Variants in ZNF229 observed in about 807,000 individuals in gnomAD.
ZNF229 encodes the protein zinc finger protein 229.
In ZNF229, 10 loss-of-function variants were observed where a neutral mutation model predicts 11.8. The ratio of observed to expected loss-of-function variants is 0.85; its 90% CI spans 0.52 to 1.44. ZNF229 has a LOEUF of 1.44. Among genes scored for constraint, ZNF229 ranks in the 40% most tolerant of loss-of-function variants. The pLI is 0.00. For missense variants in ZNF229, 1,045 were observed against 1,015.1 expected (o/e 1.03, Z -0.40); for synonymous variants, 368 against 374.8 (o/e 0.98, Z 0.21).
At chr19:44,444,132 G>A (rs1366382978) in intron 2 of ZNF229, among the ~76,000 whole-genome samples, 1 of 152,168 alleles carries the variant, frequency 6.6e-6, no homozygotes, top group East Asian at 1.9e-4. Context: ...TCAGCAGGAG[G>A]TGATGCACAC....
rs1048193751 is a variant in ZNF229, at chr19:44,430,231, T to C, written c.550A>G (p.Ile184Val). The C allele has an allele frequency of 1.2e-5, 20 of 1,614,046 alleles. No individual in the cohort carries two copies. The highest frequency in any genetic ancestry group is 1.6e-5 in the Non-Finnish European group (19 of 1,180,046). ...AACGCTTTTGCCCAAGATCCTTGAA[T>C]GGGGATTGGTCTTATAGCTCTCCAG... is the stretch of plus-strand genomic sequence containing the variant. ...PAWRAIRPIPIQGSWAKAFVN... is the reference protein window; with the variant it reads ...PAWRAIRPIPVQGSWAKAFVN... Residue 184 changes from isoleucine to valine, a missense_variant, in exon 6 of 6, where the codon ATT becomes GTT. Physicochemically the swap from Ile to Val is conservative, Grantham distance 29. Coordinates refer to ENST00000614049, the MANE Select transcript of ZNF229 (RefSeq NM_014518.4).
intron 4 of ZNF229, among the ~76,000 whole-genome samples, chr19:44,440,772 G>A (rs1448081029): frequency 1.3e-5 from 2 of 151,020 alleles, no homozygotes. Context: ...CACCCAGGCT[G>A]GAGTAGAGTG....
At position 44,429,153 on chromosome 19, in the gene ZNF229, T is replaced by C. The variant is rs1264406567; in HGVS notation, c.1628A>G (p.Lys543Arg). 1 of 1,613,810 alleles carries C rather than the reference T, an allele frequency of 6.2e-7. No individual in the cohort carries two copies. The highest frequency in any genetic ancestry group is 2.2e-5 in the East Asian group (1 of 44,824). ...CTTCCCGCACTCGCATTTGTAGGGT[T>C]TCTCTCCTGTGTGCAGTCTCTGATG... Reference protein sequence around the residue: ...LMHQRLHTGEKPYKCECGKSF... With the variant: ...LMHQRLHTGERPYKCECGKSF... The change falls in exon 6 of 6, where the codon AAA (lysine) becomes AGA (arginine). Residue 543 changes from lysine to arginine, a missense_variant. Physicochemically the swap from Lys to Arg is conservative, Grantham distance 26 (BLOSUM62 2). Transcript: ENST00000614049.
chr19:44,436,266 G>A (rs994257968), intron 4 of ZNF229, among the ~76,000 whole-genome samples: 5 of 151,914 alleles, frequency 3.3e-5, no homozygotes, highest in Non-Finnish European at 5.9e-5. Context: ...CCAGCTGTTC[G>A]GGAGGCTGAG....
intron 4 of ZNF229, among the ~76,000 whole-genome samples, chr19:44,438,602 T>C (rs1331254664): frequency 6.6e-6 from 1 of 152,180 alleles, no homozygotes; most frequent in Non-Finnish European, 1.5e-5. Context: ...AGCTGGCAGG[T>C]AGCTTCAGGA....
intron 4 of ZNF229, among the ~76,000 whole-genome samples, chr19:44,434,693 G>A (rs1971781987): frequency 6.6e-6 from 1 of 152,188 alleles, no homozygotes; most frequent in Non-Finnish European, 1.5e-5. Context: ...TGGAGTACCT[G>A]CGACAAGGTA....
chr19:44,429,644 A>G lies in ZNF229; in HGVS notation c.1137T>C (p.Cys379=), dbSNP rs1568402050. 1.9e-6 allele frequency: 3 copies of G among 1,614,030 alleles called. No homozygotes were observed. The highest frequency in any genetic ancestry group is 1.7e-6 in the Non-Finnish European group (2 of 1,180,012). ...GVHTGRRPYK[C]EECGKAFGRS... ...GACCAAATGCCTTCCCACACTCCTC[A>G]CATTTATAGGGTCTCCTTCCTGTGT... Residue 379 remains cysteine (C), a synonymous_variant, in exon 6 of 6, where the codon TGT becomes TGC. Transcript: ENST00000614049.
At chr19:44,430,783 G>T (rs1165461707) in intron 5 of ZNF229, among the ~76,000 whole-genome samples, 1 of 152,106 alleles carries the variant, frequency 6.6e-6, no homozygotes, top group Non-Finnish European at 1.5e-5. Context: ...GGCAAAAAAA[G>T]AATTTCGGAA....
chr19:44,446,125 A>G (rs964288659), intron 2 of ZNF229, among the ~76,000 whole-genome samples: 1 of 152,182 alleles, frequency 6.6e-6, no homozygotes, highest in Non-Finnish European at 1.5e-5. Flanking sequence ...TGACAGAAAG[A>G]GTTGGTACAA....
chr19:44,428,841 T>C lies in ZNF229; in HGVS notation c.1940A>G (p.Gln647Arg). The change falls in exon 6 of 6, where the codon CAG becomes CGG. Residue 647 changes from glutamine (Q) to arginine (R), a missense_variant. Transcript: ENST00000614049. Reference protein sequence around the residue: ...FSYSSGLLIHQRVHTGEKPYR... With the variant: ...FSYSSGLLIHRRVHTGEKPYR... ...AGGTTTCTCGCCTGTGTGGACTCTC[T>C]GGTGAATGAGAAGCCCTGAGCTGTA... is the stretch of plus-strand genomic sequence containing the variant. The C allele has an allele frequency of 6.2e-7, 1 of 1,613,940 alleles. No individual in the cohort carries two copies. The highest frequency in any genetic ancestry group is 8.5e-7 in the Non-Finnish European group (1 of 1,180,000).
At chr19:44,436,898 T>A (rs916109932) in intron 4 of ZNF229, among the ~76,000 whole-genome samples, 1 of 152,156 alleles carries the variant, frequency 6.6e-6, no homozygotes, top group African/African-American at 2.4e-5. Context: ...GTATTTGATA[T>A]GTATACATAC....
At chr19:44,444,757 G>A (rs1971976300) in intron 2 of ZNF229, among the ~76,000 whole-genome samples, 1 of 152,166 alleles carries the variant, frequency 6.6e-6, no homozygotes, top group African/African-American at 2.4e-5. Flanking sequence ...GAGTCCAGGG[G>A]CCACACCTGA....
chr19:44,440,269 T>A (rs1971885324), intron 4 of ZNF229, among the ~76,000 whole-genome samples: 2 of 148,358 alleles, frequency 1.3e-5, no homozygotes, highest in South Asian at 2.1e-4. Context: ...TGGAACACAG[T>A]GGAAAATGGC....
chr19:44,437,731 C>G (rs1971838421), intron 4 of ZNF229, among the ~76,000 whole-genome samples: 1 of 152,104 alleles, frequency 6.6e-6, no homozygotes, highest in Non-Finnish European at 1.5e-5. Flanking sequence ...TGCCCATCAA[C>G]AGTAGACTAG....
chr19:44,444,458 C>G (rs1284463348), intron 2 of ZNF229, among the ~76,000 whole-genome samples: 1 of 152,154 alleles, frequency 6.6e-6, no homozygotes, highest in East Asian at 1.9e-4. Flanking sequence ...GGGGATTGCC[C>G]TTTGACCCAG....
Position 44,429,688 on chromosome 19 carries a change from GA to G in ZNF229, c.1092del (p.Ile366PhefsTer454), listed in dbSNP as rs754743332. 2.5e-5 allele frequency: 40 copies of G among 1,613,908 alleles called. 1 individual carries two copies. Among genetic ancestry groups the G allele is most frequent in the Middle Eastern group, 1.6e-4 (1 of 6,062 alleles). ...CGKGFRYKSV[L>X]LIHQGVHTGR... is the part of the protein sequence containing the mutation. Reference sequence around the variant, plus strand: ...CCTGTGTGCACCCCTTGATGAATAAGAAGAACCGATTTATACCTGAACCCCT... The same window carrying G: ...CCTGTGTGCACCCCTTGATGAATAAGAGAACCGATTTATACCTGAACCCCT... On this transcript the variant is annotated frameshift_variant, in exon 6 of 6. Transcript: ENST00000614049. LOFTEE classifies it low-confidence loss of function (END_TRUNC).
Position 44,429,403 on chromosome 19 carries a change from G to A in ZNF229, c.1378C>T (p.Pro460Ser), listed in dbSNP as rs1971662001. The A allele has an allele frequency of 6.2e-7, 1 of 1,614,044 alleles. No individual in the cohort carries two copies. The highest frequency in any genetic ancestry group is 8.5e-7 in the Non-Finnish European group (1 of 1,180,038). ...KHQHIHPGEKPYSCGECGKGF... is the reference protein window; with the variant it reads ...KHQHIHPGEKSYSCGECGKGF... ...TTTCCACACTCGCCACAGCTGTAGG[G>A]CTTTTCTCCAGGGTGAATGTGCTGG... is the stretch of plus-strand genomic sequence containing the variant. Residue 460 changes from proline (P) to serine (S), a missense_variant, in exon 6 of 6, where the codon CCC becomes TCC. Pro to Ser is a moderately conservative substitution (Grantham distance 74). Transcript: ENST00000614049.
rs1972022681 is a variant in ZNF229, at chr19:44,447,523, AGTGTCAAGAGATGTGGG to A, written c.-205_-189del. On this transcript the variant is annotated 5_prime_UTR_variant, in exon 2 of 6. An upstream open reading frame in the 5' UTR loses its in-frame stop. Transcript: ENST00000614049. Reference sequence around the variant, plus strand: ...CCAAAGTTCACTCACCTGGAGCTCTAGTGTCAAGAGATGTGGGGTTATTTCTCCTTCTTTTATACAAT... The same window carrying A: ...CCAAAGTTCACTCACCTGGAGCTCTAGTTATTTCTCCTTCTTTTATACAAT... 1 of 152,222 alleles carries A rather than the reference AGTGTCAAGAGATGTGGG, an allele frequency of 6.6e-6. No homozygotes were observed. The highest frequency in any genetic ancestry group is 1.5e-5 in the Non-Finnish European group (1 of 68,032). 9.4% of individuals were successfully genotyped at this position (152,222 alleles called of 1,614,324 possible).
chr19:44,429,433 T>G lies in ZNF229; in HGVS notation c.1348A>C (p.Lys450Gln). 4 of 1,613,916 alleles carry G rather than the reference T, an allele frequency of 2.5e-6. No individual in the cohort carries two copies. The highest frequency in any genetic ancestry group is 3.4e-6 in the Non-Finnish European group (4 of 1,179,994). ...TCTCCAGGGTGAATGTGCTGGTGTTTGTGCAGTGCAGACTTGGCACAGAAG... is the reference window on the plus strand; with the variant it reads ...TCTCCAGGGTGAATGTGCTGGTGTTGGTGCAGTGCAGACTTGGCACAGAAG... ...KGFCAKSALH[K>Q]HQHIHPGEKP... Residue 450 changes from lysine to glutamine, a missense_variant, in exon 6 of 6, where the codon AAA (lysine) becomes CAA (glutamine). Transcript: ENST00000614049.
Sources: allele counts gnomAD v4.1 joint callset (sites outside exome capture counted in the v4.1 genomes callset), GRCh38; gene constraint gnomAD v4.1.1; transcripts MANE v1.5; gene names NCBI Gene and HGNC (gene_info 2026-07-23, HGNC 2026-07-21).